The following TEP1 variants were observed in gnomAD, a reference collection of about 807,000 sequenced individuals.
TEP1 encodes telomerase associated protein 1.
Under a neutral mutation model 306.3 loss-of-function variants are expected in TEP1, and 241 were observed. That is an observed-to-expected ratio of 0.79 (90% CI 0.71 to 0.88). TEP1 has a LOEUF of 0.88. Ranked by LOEUF, TEP1 falls within the 40% of genes least tolerant of loss-of-function variation. The probability of loss-of-function intolerance (pLI) is 0.00; values close to 1 mark genes in which losing one functional copy is unlikely to be tolerated. For missense variants in TEP1, 3,051 were observed against 3,276.1 expected, an observed-to-expected ratio of 0.93 and a Z score of 1.68; for synonymous variants, 1,289 against 1,305.5, an observed-to-expected ratio of 0.99 and a Z score of 0.27.
intron 1 of TEP1, among the ~76,000 whole-genome samples, chr14:20,408,908 AC>A (rs766780868): frequency 2.6e-5 from 4 of 151,488 alleles, no homozygotes; most frequent in South Asian, 4.2e-4. Flanking sequence ...AGGAGACCCA[AC>A]CCCCCTGACC....
chr14:20,400,441 A>C (rs1258881359), intron 9 of TEP1, among the ~76,000 whole-genome samples: 1 of 149,916 alleles, frequency 6.7e-6, no homozygotes, highest in Non-Finnish European at 1.5e-5. Flanking sequence ...AAAGAAAAGT[A>C]ATAATTTTAT....
At chr14:20,370,409 G>T (rs1359425635) in intron 51 of TEP1, among the ~76,000 whole-genome samples, 1 of 152,140 alleles carries the variant, frequency 6.6e-6, no homozygotes, top group Non-Finnish European at 1.5e-5. Flanking sequence ...AATTAGTCTT[G>T]CTTGTTCTTG....
chr14:20,389,547 G>T, intron 16 of TEP1, 63 bp downstream of exon 16: 1 of 1,595,712 alleles, frequency 6.3e-7, no homozygotes, highest in Non-Finnish European at 8.5e-7. Flanking sequence ...GCTTTGGCAG[G>T]CGTAGAGAGG....
chr14:20,393,970 C>T (rs1042996700), intron 12 of TEP1, among the ~76,000 whole-genome samples: 4 of 151,932 alleles, frequency 2.6e-5, no homozygotes, highest in African/African-American at 9.7e-5. Flanking sequence ...GCCTATAATC[C>T]CAGCTACTTG....
In TEP1 at chr14:20,382,260, G is replaced by A. The variant is rs745735597; in HGVS notation, c.4237C>T (p.Pro1413Ser). ...LEKEHGPDVL[P>S]QALTALEVTR... ...ACTTCTAGGGCAGTCAAGGCCTGGG[G>A]AAGGACATCAGGCCCGTGCTCCTTC... The change falls in exon 29 of 55, where the codon CCC becomes TCC. Residue 1413 changes from proline (P) to serine (S), a missense_variant. Pro to Ser is a moderately conservative substitution (Grantham distance 74). Transcript: ENST00000262715. 2.5e-6 allele frequency: 4 copies of A among 1,614,162 alleles called. No individual in the cohort carries two copies. Among genetic ancestry groups the A allele is most frequent in the South Asian group, 2.2e-5 (2 of 91,078 alleles).
intron 49 of TEP1, 96 bp from the exon 50 acceptor site, chr14:20,371,728 C>A: frequency 7.1e-7 from 1 of 1,402,592 alleles, no homozygotes; most frequent in Non-Finnish European, 9.5e-7. Flanking sequence ...GAATGAAGTA[C>A]AAAGCAAAAT....
At chr14:20,373,896 T>C in intron 44 of TEP1, 86 bp from the exon 45 acceptor site, 2 of 1,528,182 alleles carry the variant, frequency 1.3e-6, no homozygotes, top group Admixed American at 1.8e-5. Context: ...GGGTGGAGCA[T>C]TAGGAGCATG....
rs1566472499 is a variant in TEP1 at position 20,395,615 on chromosome 14, G to A, written c.1763C>T (p.Pro588Leu). The A allele has an allele frequency of 6.2e-7, 1 of 1,600,394 alleles. No homozygotes were observed. Among genetic ancestry groups the A allele is most frequent in the Non-Finnish European group, 8.6e-7 (1 of 1,168,632 alleles). ...CCGCCTCATCAGTGTTATATTCGAA[G>A]GAAAGGGCAATGCTGTATGATGACA... Reference protein sequence around the residue: ...AQLRNQALPFPSNITLMRRIL... With the variant: ...AQLRNQALPFLSNITLMRRIL... The change falls in exon 12 of 55, where the codon CCT becomes CTT. Residue 588 changes from proline to leucine, a missense_variant. Coordinates refer to ENST00000262715, the MANE Select transcript of TEP1 (RefSeq NM_007110.5).
intron 1 of TEP1, among the ~76,000 whole-genome samples, chr14:20,412,896 G>C (rs8011851): frequency 0.19 from 29,330 of 151,666 alleles, 3,329 homozygotes; most frequent in South Asian, 0.4. Context: ...CTGACCTCAG[G>C]TGATCCCCAA....
At chr14:20,377,940 A>T (rs1235868284) in intron 39 of TEP1, 84 bp downstream of exon 39, 2 of 1,549,000 alleles carry the variant, frequency 1.3e-6, no homozygotes, top group African/African-American at 1.4e-5. Flanking sequence ...AGTCTCCTCG[A>T]CAAAGGACCC....
chr14:20,402,507 C>T (rs1186916141), intron 7 of TEP1, among the ~76,000 whole-genome samples: 1 of 152,168 alleles, frequency 6.6e-6, no homozygotes, highest in East Asian at 1.9e-4. Flanking sequence ...ATAGCTAACA[C>T]TTATTTACTT....
In TEP1 at chr14:20,379,998, T is replaced by C; in HGVS notation, c.5059A>G (p.Asn1687Asp). ...SSPTAVAFSTNGQRAAVGTAN... is the reference protein window; with the variant it reads ...SSPTAVAFSTDGQRAAVGTAN... ...GTGCCCACAGCTGCTCTTTGCCCAT[T>C]GGTGGAGAAGGCCACAGCAGTAGGG... The change falls in exon 35 of 55, where the codon AAT (asparagine) becomes GAT (aspartate). Residue 1687 changes from asparagine (N) to aspartate (D), a missense_variant. Physicochemically the swap from Asn to Asp is conservative, Grantham distance 23. This residue lies in a region of TEP1 where 1,540 missense variants were observed against 1,705.9 expected (regional missense o/e 0.90). Coordinates refer to ENST00000262715, the MANE Select transcript of TEP1 (RefSeq NM_007110.5). 1 of 1,614,150 alleles carries C rather than the reference T, an allele frequency of 6.2e-7. No homozygotes were observed. Among genetic ancestry groups the C allele is most frequent in the Non-Finnish European group, 8.5e-7 (1 of 1,180,026 alleles).
chr14:20,400,834 G>A, intron 9 of TEP1, 150 bp downstream of exon 9: 2 of 944,962 alleles, frequency 2.1e-6, no homozygotes, highest in Non-Finnish European at 3.1e-6. Context: ...TTACTTTGGT[G>A]TAGTCAATGG....
chr14:20,396,597 T>C, intron 10 of TEP1, 24 bp downstream of exon 10: 1 of 1,581,770 alleles, frequency 6.3e-7, no homozygotes, highest in Non-Finnish European at 8.7e-7. Context: ...CTGGGCCCCA[T>C]GGCTACCAGC....
rs1291627175 is a variant in TEP1, at chr14:20,403,768, C to A, written c.1149G>T (p.Arg383=). The part of the protein sequence containing the change: ...DEYQLAKYNP[R]KHRAKRHPRR... ...GGGGGTGTCTCTTGGCCCGGTGCTT[C>A]CGAGGGTTGTACTTAGCCAGCTGGT... Residue 383 remains arginine, a synonymous_variant, in exon 6 of 55, where the codon CGG becomes CGT. Coordinates refer to ENST00000262715, the MANE Select transcript of TEP1 (RefSeq NM_007110.5). The A allele has an allele frequency of 1.2e-6, 2 of 1,613,984 alleles. No individual in the cohort carries two copies. The highest frequency in any genetic ancestry group is 8.5e-7 in the Non-Finnish European group (1 of 1,180,036).
rs554844783 is a variant in TEP1, at chr14:20,391,839, A to G, written c.1929-72T>C. 873 of 1,540,884 alleles carry G rather than the reference A, an allele frequency of 5.7e-4. 6 individuals carry two copies. In the African/African-American group the frequency reaches 0.01, roughly 18 times the overall value. Reference sequence around the variant, plus strand: ...CCCCTTAGAGGCAGACGGGGAGATGAGAAGTTGCCACTAAGTATTGAGTCT... The same window carrying G: ...CCCCTTAGAGGCAGACGGGGAGATGGGAAGTTGCCACTAAGTATTGAGTCT... On this transcript the variant is annotated intron_variant, in intron 12 of 54. Transcript: ENST00000262715.
At chr14:20,374,090 C>CTT (rs199996170) in intron 44 of TEP1, among the ~76,000 whole-genome samples, 8 of 142,216 alleles carry the variant, frequency 5.6e-5, no homozygotes, top group African/African-American at 1.5e-4. Flanking sequence ...TTCTTTTTCT[C>CTT]TTTTTTTTTT....
intron 7 of TEP1, among the ~76,000 whole-genome samples, chr14:20,403,029 C>T (rs879799544): frequency 2.0e-5 from 3 of 151,914 alleles, no homozygotes; most frequent in Admixed American, 1.3e-4. Flanking sequence ...TGGTGGCACA[C>T]GCCTGTAGTC....
chr14:20,372,219 A>G (rs1884880783), intron 49 of TEP1, among the ~76,000 whole-genome samples: 1 of 152,028 alleles, frequency 6.6e-6, no homozygotes, highest in Admixed American at 6.6e-5. Context: ...ACATCTCCAT[A>G]TCTTCTGTAC....
Sources: gnomAD v4.1 joint callset for allele counts (sites outside exome capture counted in the v4.1 genomes callset) on GRCh38, gnomAD v4.1.1 for gene constraint, gnomAD v4.1.1 regional missense constraint, MANE v1.5 for transcripts, NCBI Gene and HGNC (gene_info 2026-07-23, HGNC 2026-07-21) for gene names.